The following NFU1 variants were observed in gnomAD, a reference collection of about 807,000 sequenced individuals.
NFU1 encodes the protein NFU1 iron-sulfur cluster scaffold.
A neutral mutation model predicts 32.2 loss-of-function variants in NFU1; 30 were observed. The ratio of observed to expected loss-of-function variants is 0.93; its 90% CI spans 0.70 to 1.26. The LOEUF (loss-of-function observed/expected upper bound fraction) is 1.26. Ranked by LOEUF, NFU1 falls within the 50% of genes most tolerant of loss-of-function variation. NFU1 has a pLI of 0.00. For missense variants in NFU1, 306 were observed against 306.6 expected (o/e 1.00, Z 0.02); for synonymous variants, 112 against 104.6 (o/e 1.07, Z -0.43).
At chr2:69,423,243 A>AGAGTGTGT (rs1204580712) in intron 3 of NFU1, among the ~76,000 whole-genome samples, 2 of 87,992 alleles carry the variant, frequency 2.3e-5, no homozygotes, top group Non-Finnish European at 4.1e-5. Context: ...TCTCTGTGTG[A>AGAGTGTGT]GTGTGTGTGT....
At chr2:69,408,059 G>A (rs1672757840) in intron 5 of NFU1, among the ~76,000 whole-genome samples, 1 of 151,628 alleles carries the variant, frequency 6.6e-6, no homozygotes, top group African/African-American at 2.4e-5. Flanking sequence ...AATTTGTTGG[G>A]GGAAAAGAAG....
At chr2:69,413,538 T>A (rs942412420) in intron 5 of NFU1, among the ~76,000 whole-genome samples, 4 of 152,114 alleles carry the variant, frequency 2.6e-5, no homozygotes, top group African/African-American at 9.7e-5. Flanking sequence ...GGCAGGTGAA[T>A]CCACTTGAGG....
intron 2 of NFU1, among the ~76,000 whole-genome samples, chr2:69,424,205 A>G (rs1022803004): frequency 2.9e-5 from 4 of 137,400 alleles, no homozygotes; most frequent in Non-Finnish European, 6.2e-5. Context: ...AAAAATATAT[A>G]TATATATATA....
intron 2 of NFU1, 125 bp downstream of exon 2, chr2:69,431,777 T>C (rs905349127): frequency 1.4e-6 from 1 of 690,284 alleles, no homozygotes; most frequent in African/African-American, 1.8e-5. Context: ...CTTTTTTTCC[T>C]ATATTCTATC....
chr2:69,435,916 CTTT>C (rs531070579), intron 1 of NFU1, among the ~76,000 whole-genome samples: 3 of 135,486 alleles, frequency 2.2e-5, no homozygotes, highest in Admixed American at 7.5e-5. Context: ...CCACGCCCAG[CTTT>C]TTTTTTTTTT....
chr2:69,417,259 G>A (rs528131979), intron 4 of NFU1, among the ~76,000 whole-genome samples: 10 of 152,162 alleles, frequency 6.6e-5, no homozygotes, highest in African/African-American at 2.2e-4. Context: ...AGAAACAGGC[G>A]ATTGCTGAAG....
rs924466412 is a variant in NFU1, at chr2:69,424,933, G to A, written c.167-1216C>T. Reference sequence around the variant, plus strand: ...CCTCTGTCGCCCAGGCTGGAGTGCAGTGGCGCCATCTCTGCTCACTACAAG... The same window carrying A: ...CCTCTGTCGCCCAGGCTGGAGTGCAATGGCGCCATCTCTGCTCACTACAAG... On this transcript the variant is annotated intron_variant, in intron 2 of 7. Coordinates refer to ENST00000410022, the MANE Select transcript of NFU1 (RefSeq NM_001002755.4). Among the ~76,000 whole-genome samples the A allele has an allele frequency of 4.8e-5, 7 of 146,298 alleles. No individual in the cohort carries two copies. In the East Asian group the frequency reaches 9.9e-4, roughly 21 times the overall value.
intron 4 of NFU1, among the ~76,000 whole-genome samples, 196 bp downstream of exon 4, chr2:69,419,337 AAAAAG>A (rs1673165019): frequency 6.6e-6 from 1 of 152,154 alleles, no homozygotes; most frequent in Non-Finnish European, 1.5e-5. Flanking sequence ...CAAAAAAAAG[AAAAAG>A]AAAAGAAAAA....
At position 69,407,030 on chromosome 2, in the gene NFU1, A is replaced by G. The variant is rs148488447; in HGVS notation, c.485-948T>C. 3.9e-3 allele frequency among the ~76,000 whole-genome samples: 587 copies of G among 152,204 alleles called. 4 individuals are homozygous for G. The highest frequency in any genetic ancestry group is 0.013 in the African/African-American group (544 of 41,512). ...TCGCGTGTTTGCTTCCCCTTCCGCC[A>G]TGATTGTAACTTTCCTAAGGCCTCC... On this transcript the variant is annotated intron_variant, in intron 5 of 7. Coordinates refer to ENST00000410022, the MANE Select transcript of NFU1 (RefSeq NM_001002755.4).
intron 5 of NFU1, among the ~76,000 whole-genome samples, chr2:69,413,479 C>T (rs1163819512): frequency 1.3e-5 from 2 of 151,974 alleles, no homozygotes; most frequent in African/African-American, 2.4e-5. Context: ...AAGAAGCTCT[C>T]GGCCAGGCAG....
intron 1 of NFU1, among the ~76,000 whole-genome samples, chr2:69,436,753 G>T (rs1673851848): frequency 1.3e-5 from 2 of 152,152 alleles, no homozygotes; most frequent in South Asian, 4.1e-4. Flanking sequence ...AATGTTCACA[G>T]AAGTCTTTGA....
At chr2:69,417,493 A>T (rs1277591221) in intron 4 of NFU1, among the ~76,000 whole-genome samples, 24 of 89,960 alleles carry the variant, frequency 2.7e-4, no homozygotes, top group Admixed American at 1.9e-3. Flanking sequence ...AAAAAAAAAT[A>T]AAAAAAAAAT....
chr2:69,410,365 G>A (rs1240866850), intron 5 of NFU1, among the ~76,000 whole-genome samples: 1 of 152,062 alleles, frequency 6.6e-6, no homozygotes, highest in African/African-American at 2.4e-5. Context: ...CTCCAGCCTG[G>A]GCAACAAAGC....
intron 2 of NFU1, 26 bp downstream of exon 2, chr2:69,431,876 C>T: frequency 1.5e-6 from 2 of 1,364,620 alleles, no homozygotes; most frequent in Non-Finnish European, 2.1e-6. Flanking sequence ...TGAAACACAA[C>T]TGCTATAAAA....
chr2:69,409,640 C>T (rs1044322574), intron 5 of NFU1, among the ~76,000 whole-genome samples: 1 of 152,098 alleles, frequency 6.6e-6, no homozygotes, highest in Non-Finnish European at 1.5e-5. Flanking sequence ...GCTGCTTACC[C>T]CCATGGAAGA....
intron 7 of NFU1, among the ~76,000 whole-genome samples, chr2:69,400,061 G>A (rs1672469723): frequency 1.3e-5 from 2 of 152,020 alleles, no homozygotes; most frequent in South Asian, 2.1e-4. Context: ...TAGTAGAGAC[G>A]GGGTTTTCTC....
At chr2:69,415,754 C>T (rs1393615101) in intron 4 of NFU1, among the ~76,000 whole-genome samples, 1 of 152,050 alleles carries the variant, frequency 6.6e-6, no homozygotes, top group Admixed American at 6.6e-5. Flanking sequence ...AGCCTGACCT[C>T]GTGATCCACC....
intron 1 of NFU1, among the ~76,000 whole-genome samples, chr2:69,432,754 G>T (rs577819627): frequency 7.8e-6 from 1 of 128,956 alleles, no homozygotes; most frequent in East Asian, 2.1e-4. Flanking sequence ...CATAAATAGT[G>T]AAAGCCTCCC....
At chr2:69,438,321 T>A (rs1472694708), upstream of NFU1, among the ~76,000 whole-genome samples, 1 of 151,868 alleles carries the variant, frequency 6.6e-6, no homozygotes, top group African/African-American at 2.4e-5. Flanking sequence ...AGTGCGATCA[T>A]AGCTCACCAA....
Sources: gnomAD v4.1 joint callset for allele counts (sites outside exome capture counted in the v4.1 genomes callset) on GRCh38, gnomAD v4.1.1 for gene constraint, MANE v1.5 for transcripts, NCBI Gene and HGNC (gene_info 2026-07-23, HGNC 2026-07-21) for gene names.